Variants in NUDT18 observed in about 807,000 individuals in gnomAD.
NUDT18 encodes the protein 8-oxo-dGDP phosphatase NUDT18.
A neutral mutation model predicts 27.6 loss-of-function variants in NUDT18; 26 were observed. The ratio of observed to expected loss-of-function variants is 0.94; its 90% CI spans 0.69 to 1.31. NUDT18 has a LOEUF of 1.31. Among genes scored for constraint, NUDT18 ranks in the 50% most tolerant of loss-of-function variants. NUDT18 has a pLI of 0.00. For synonymous variants in NUDT18, 220 were observed against 196.9 expected, an observed-to-expected ratio of 1.12 and a Z score of -0.98; for missense variants, 450 against 433.4, an observed-to-expected ratio of 1.04 and a Z score of -0.34.
Position 22,108,322 on chromosome 8 carries a change from C to A in NUDT18, c.187G>T (p.Ala63Ser), listed in dbSNP as rs1826404292. 1.9e-6 allele frequency: 3 copies of A among 1,582,304 alleles called. No individual in the cohort carries two copies. The highest frequency in any genetic ancestry group is 1.8e-5 in the Admixed American group (1 of 54,742). The part of the protein sequence containing the change: ...EQDEVLLIQE[A>S]KRECRGSWYL... ...CACGACCCCCGGCACTCCCTCTTGG[C>A]CTCCTGGATCAGTAGCACCTCATCC... Residue 63 changes from alanine (A) to serine (S), a missense_variant, in exon 2 of 3, where the codon GCC becomes TCC. Physicochemically the swap from Ala to Ser is moderately conservative, Grantham distance 99. Transcript: ENST00000611621.
chr8:22,109,536 C>T, upstream of NUDT18: 1 of 445,046 alleles, frequency 2.2e-6, no homozygotes, highest in Non-Finnish European at 4.1e-6. Flanking sequence ...GGGGGCGGGG[C>T]CGCCCGGGGC....
chr8:22,109,483 C>A (rs528159947), upstream of NUDT18: 20 of 525,732 alleles, frequency 3.8e-5, no homozygotes, highest in East Asian at 4.7e-4. Context: ...GGCTGCGCGG[C>A]GCCGCGGCCT....
rs1166421317 is a variant in NUDT18, at chr8:22,109,255, CAGCCAGCACGGA to C, written c.34_45del (p.Ser12_Ala15del). On this transcript the variant is annotated inframe_deletion, in exon 1 of 3. Transcript: ENST00000611621. ...CAGCTGTGCACGCTGGACCCCTGGC[CAGCCAGCACGGA>C]AGCCAGCGCCCCCGCCAGGCCCTCC... 2 of 1,410,862 alleles carry C rather than the reference CAGCCAGCACGGA, an allele frequency of 1.4e-6. No individual in the cohort carries two copies. Among genetic ancestry groups the C allele is most frequent in the Non-Finnish European group, 1.8e-6 (2 of 1,089,460 alleles). The allele number at this position is 1,410,862 out of a possible 1,614,324, so 87.4% of individuals were successfully genotyped here. A position where few individuals can be genotyped will look rare whatever the true frequency, so the allele number is the denominator to read the frequency against.
chr8:22,109,151 G>A lies in NUDT18; in HGVS notation c.150C>T (p.Phe50=). ...KNVCYVVLAV[F]LSEQDEVLLI... is the part of the protein sequence containing the mutation. ...GGCGGCCGCTCACCTGCTCGCTGAG[G>A]AACACGGCCAGCACCACGTAGCACA... Residue 50 remains phenylalanine (F), a synonymous_variant, in exon 1 of 3, where the codon TTC becomes TTT. Coordinates refer to ENST00000611621, the MANE Select transcript of NUDT18 (RefSeq NM_024815.4). 6.9e-7 allele frequency: 1 copy of A among 1,443,630 alleles called. No individual in the cohort carries two copies. The highest frequency in any genetic ancestry group is 3.0e-5 in the Admixed American group (1 of 32,790). 89.4% of individuals were successfully genotyped at this position (1,443,630 alleles called of 1,614,324 possible). A position where few individuals can be genotyped will look rare whatever the true frequency, so the allele number is the denominator to read the frequency against.
Position 22,108,120 on chromosome 8 carries a change from A to G in NUDT18, c.376+13T>C. ...AACTGGCCCTGTTCACACTGCCTCC[A>G]GGTGGGCCATACCTGTGGGGCGAGC... is the stretch of plus-strand genomic sequence containing the variant. On this transcript the variant is annotated intron_variant, in intron 2 of 2. Coordinates refer to ENST00000611621, the MANE Select transcript of NUDT18 (RefSeq NM_024815.4). The G allele has an allele frequency of 2.0e-6, 3 of 1,493,622 alleles. No homozygotes were observed. Among genetic ancestry groups the G allele is most frequent in the Non-Finnish European group, 2.7e-6 (3 of 1,121,450 alleles). 92.5% of individuals were successfully genotyped at this position (1,493,622 alleles called of 1,614,324 possible). A position where few individuals can be genotyped will look rare whatever the true frequency, so the allele number is the denominator to read the frequency against.
In NUDT18 at chr8:22,109,247, C is replaced by A. The variant is rs367707934; in HGVS notation, c.54G>T (p.Gly18=). The A allele has an allele frequency of 7.0e-7, 1 of 1,418,854 alleles. No individual in the cohort carries two copies. Among genetic ancestry groups the A allele is most frequent in the Non-Finnish European group, 9.1e-7 (1 of 1,093,926 alleles). The allele number at this position is 1,418,854 out of a possible 1,614,324, so 87.9% of individuals were successfully genotyped here. A position where few individuals can be genotyped will look rare whatever the true frequency, so the allele number is the denominator to read the frequency against. ...CCGAGTCGCAGCTGTGCACGCTGGACCCCTGGCCAGCCAGCACGGAAGCCA... is the reference window on the plus strand; with the variant it reads ...CCGAGTCGCAGCTGTGCACGCTGGAACCCTGGCCAGCCAGCACGGAAGCCA... The part of the protein sequence containing the change: ...GALASVLAGQ[G]SSVHSCDSAP... Residue 18 remains glycine (G), a synonymous_variant, in exon 1 of 3, where the codon GGG becomes GGT. Coordinates refer to ENST00000611621, the MANE Select transcript of NUDT18 (RefSeq NM_024815.4).
chr8:22,109,537 C>T (rs1826434284), upstream of NUDT18: 2 of 446,288 alleles, frequency 4.5e-6, no homozygotes, highest in Non-Finnish European at 8.1e-6. Context: ...GGGGCGGGGC[C>T]GCCCGGGGCC....
chr8:22,109,052 C>T (rs1826417171), intron 1 of NUDT18, 87 bp downstream of exon 1: 2 of 1,073,982 alleles, frequency 1.9e-6, no homozygotes, highest in Non-Finnish European at 2.5e-6. Context: ...CACGCGGCAG[C>T]GCTGGCTGTG....
rs373583483 is a variant in NUDT18, at chr8:22,108,175, C to T, written c.334G>A (p.Gly112Ser). ...PETLLSVEER[G>S]PSWVRFVFLA... ...AACACGAAGCGGACCCAGGAGGGGC[C>T]CCGCTCCTCCACGGACAGCAGTGTC... Residue 112 changes from glycine (G) to serine (S), a missense_variant, in exon 2 of 3, where the codon GGC becomes AGC. Transcript: ENST00000611621. The T allele has an allele frequency of 6.4e-5, 101 of 1,569,746 alleles. No homozygotes were observed. Among genetic ancestry groups the T allele is most frequent in the Non-Finnish European group, 7.8e-5 (90 of 1,159,144 alleles).
chr8:22,109,378 C>CCAGCTCCCAGTCCCTGCGGAGA lies in NUDT18; in HGVS notation c.-79_-78insTCTCCGCAGGGACTGGGAGCTG. ...CCGCGGGCTAGAGTGCGCTGCGGAG[C>CCAGCTCCCAGTCCCTGCGGAGA]CCGCTCCCAGTCCCTGCGGCAGCGG... is the stretch of plus-strand genomic sequence containing the variant. On this transcript the variant is annotated 5_prime_UTR_variant, in exon 1 of 3. Coordinates refer to ENST00000611621, the MANE Select transcript of NUDT18 (RefSeq NM_024815.4). The CCAGCTCCCAGTCCCTGCGGAGA allele has an allele frequency of 5.0e-6, 6 of 1,195,274 alleles. No homozygotes were observed. The highest frequency in any genetic ancestry group is 6.4e-6 in the Non-Finnish European group (6 of 931,084). The allele number at this position is 1,195,274 out of a possible 1,614,324, so 74.0% of individuals were successfully genotyped here.
Position 22,109,399 on chromosome 8 carries a change from A to AGTCCCTGCGGCG in NUDT18, c.-100_-99insCGCCGCAGGGAC. On this transcript the variant is annotated 5_prime_UTR_variant, in exon 1 of 3. Coordinates refer to ENST00000611621, the MANE Select transcript of NUDT18 (RefSeq NM_024815.4). ...GGAGCCCGCTCCCAGTCCCTGCGGC[A>AGTCCCTGCGGCG]GCGGGCCGGGAGCTCACGAGAACGC... 3.3e-6 allele frequency: 1 copy of AGTCCCTGCGGCG among 301,112 alleles called. No homozygotes were observed. The highest frequency in any genetic ancestry group is 4.5e-6 in the Non-Finnish European group (1 of 220,656). 18.7% of individuals were successfully genotyped at this position (301,112 alleles called of 1,614,324 possible).
In NUDT18 at chr8:22,109,377, G is replaced by A. The variant is rs1826428092; in HGVS notation, c.-77C>T. On this transcript the variant is annotated 5_prime_UTR_variant, in exon 1 of 3. Transcript: ENST00000611621. ...GCCGCGGGCTAGAGTGCGCTGCGGAGCCCGCTCCCAGTCCCTGCGGCAGCG... is the reference window on the plus strand; with the variant it reads ...GCCGCGGGCTAGAGTGCGCTGCGGAACCCGCTCCCAGTCCCTGCGGCAGCG... 2 of 1,306,692 alleles carry A rather than the reference G, an allele frequency of 1.5e-6. No individual in the cohort carries two copies. The highest frequency in any genetic ancestry group is 3.2e-5 in the East Asian group (1 of 31,112). The allele number at this position is 1,306,692 out of a possible 1,614,324, so 80.9% of individuals were successfully genotyped here. A position where few individuals can be genotyped will look rare whatever the true frequency, so the allele number is the denominator to read the frequency against.
In NUDT18 at chr8:22,107,657, T is replaced by C. The variant is rs200545434; in HGVS notation, c.615A>G (p.Leu205=). The C allele has an allele frequency of 3.1e-4, 508 of 1,612,726 alleles. No homozygotes were observed. Among genetic ancestry groups the C allele is most frequent in the Non-Finnish European group, 4.1e-4 (483 of 1,179,534 alleles). Residue 205 remains leucine, a synonymous_variant, in exon 3 of 3, where the codon TTA becomes TTG. Transcript: ENST00000611621. ...TFTSAQTVWV[L]VGTVGMPHLP... is the part of the protein sequence containing the mutation. ...AGTGAGGCATCCCCACTGTGCCCAC[T>C]AACACCCACACTGTCTGGGCGCTGG...
chr8:22,109,378 C>CCCGCTCCAAGTCCCTGCGGAGA lies in NUDT18; in HGVS notation c.-79_-78insTCTCCGCAGGGACTTGGAGCGG. On this transcript the variant is annotated 5_prime_UTR_variant, in exon 1 of 3. Transcript: ENST00000611621. ...CCGCGGGCTAGAGTGCGCTGCGGAG[C>CCCGCTCCAAGTCCCTGCGGAGA]CCGCTCCCAGTCCCTGCGGCAGCGG... 8.4e-7 allele frequency: 1 copy of CCCGCTCCAAGTCCCTGCGGAGA among 1,195,274 alleles called. No individual in the cohort carries two copies. The highest frequency in any genetic ancestry group is 1.1e-6 in the Non-Finnish European group (1 of 931,084). The allele number at this position is 1,195,274 out of a possible 1,614,324, so 74.0% of individuals were successfully genotyped here.
rs765811733 is a variant in NUDT18, at chr8:22,108,195, A to C, written c.314T>G (p.Leu105Arg). 6.3e-7 allele frequency: 1 copy of C among 1,587,248 alleles called. No homozygotes were observed. Among genetic ancestry groups the C allele is most frequent in the Admixed American group, 1.8e-5 (1 of 55,196 alleles). ...EAGLHCEPET[L>R]LSVEERGPSW... ...GGGGCCCCGCTCCTCCACGGACAGC[A>C]GTGTCTCGGGCTCACAGTGCAGCCC... Residue 105 changes from leucine to arginine, a missense_variant, in exon 2 of 3, where the codon CTG (leucine) becomes CGG (arginine). By Grantham distance (102) the Leu-to-Arg change is moderately radical (BLOSUM62 -2). Coordinates refer to ENST00000611621, the MANE Select transcript of NUDT18 (RefSeq NM_024815.4).
At position 22,107,662 on chromosome 8, in the gene NUDT18, C is replaced by G. The variant is rs1346154419; in HGVS notation, c.610G>C (p.Val204Leu). ...GGCATCCCCACTGTGCCCACTAACA[C>G]CCACACTGTCTGGGCGCTGGTAAAG... ...ATFTSAQTVW[V>L]LVGTVGMPHL... is the part of the protein sequence containing the mutation. The change falls in exon 3 of 3, where the codon GTG (valine) becomes CTG (leucine). Residue 204 changes from valine to leucine, a missense_variant. By Grantham distance (32) the Val-to-Leu change is conservative. Transcript: ENST00000611621. 1 of 1,612,674 alleles carries G rather than the reference C, an allele frequency of 6.2e-7. No homozygotes were observed. The highest frequency in any genetic ancestry group is 8.5e-7 in the Non-Finnish European group (1 of 1,179,438).
In NUDT18 at chr8:22,109,399, A is replaced by G. The variant is rs759914592; in HGVS notation, c.-99T>C. The G allele has an allele frequency of 6.6e-6, 2 of 301,110 alleles. No homozygotes were observed. Among genetic ancestry groups the G allele is most frequent in the South Asian group, 1.3e-4 (2 of 15,832 alleles). The allele number at this position is 301,110 out of a possible 1,614,324, so 18.7% of individuals were successfully genotyped here. On this transcript the variant is annotated 5_prime_UTR_variant, in exon 1 of 3. Coordinates refer to ENST00000611621, the MANE Select transcript of NUDT18 (RefSeq NM_024815.4). ...GGAGCCCGCTCCCAGTCCCTGCGGC[A>G]GCGGGCCGGGAGCTCACGAGAACGC...
chr8:22,108,628 G>GTGTC (rs1195545337), intron 1 of NUDT18, among the ~76,000 whole-genome samples: 2 of 152,222 alleles, frequency 1.3e-5, no homozygotes, highest in Non-Finnish European at 2.9e-5. Context: ...GGGTCACCAT[G>GTGTC]TGTCTGTCTG....
Position 22,108,250 on chromosome 8 carries a change from C to A in NUDT18, c.259G>T (p.Ala87Ser), listed in dbSNP as rs770736066. The A allele has an allele frequency of 6.3e-7, 1 of 1,598,052 alleles. No homozygotes were observed. Among genetic ancestry groups the A allele is most frequent in the Admixed American group, 1.7e-5 (1 of 57,850 alleles). Residue 87 changes from alanine to serine, a missense_variant, in exon 2 of 3, where the codon GCG becomes TCG. Physicochemically the swap from Ala to Ser is moderately conservative, Grantham distance 99. Coordinates refer to ENST00000611621, the MANE Select transcript of NUDT18 (RefSeq NM_024815.4). ...TCCTCCTTCACCTCCCGCTGCAGCG[C>A]CTCCACGATGGTCTCCCCTGGCTCC... is the stretch of plus-strand genomic sequence containing the variant. ...RMEPGETIVE[A>S]LQREVKEEAG...
Sources: gnomAD v4.1 joint callset for allele counts (sites outside exome capture counted in the v4.1 genomes callset) on GRCh38, gnomAD v4.1.1 for gene constraint, MANE v1.5 for transcripts, NCBI Gene and HGNC (gene_info 2026-07-23, HGNC 2026-07-21) for gene names.